ARB2A: variants seen among roughly 807,000 people sequenced by gnomAD.
ARB2A encodes ARB2 cotranscriptional regulator A.
chr5:93,890,140 T>C, the ARB2A span, among the ~76,000 whole-genome samples: 50 of 152,076 alleles, frequency 3.3e-4, no homozygotes, highest in Admixed American at 1.6e-3. Context: ...TACAGTATCA[T>C]GATGGTGCTG....
the ARB2A span, among the ~76,000 whole-genome samples, chr5:94,024,080 A>T: frequency 6.6e-6 from 1 of 152,214 alleles, no homozygotes; most frequent in Non-Finnish European, 1.5e-5. Flanking sequence ...ACTAAATCAC[A>T]TCTAGGTATG....
the ARB2A span, among the ~76,000 whole-genome samples, chr5:93,901,397 A>T: frequency 6.6e-6 from 1 of 152,170 alleles, no homozygotes; most frequent in African/African-American, 2.4e-5. Flanking sequence ...AAATCAGCAT[A>T]TGGCTGAACA....
At chr5:93,774,881 T>A in the ARB2A span, among the ~76,000 whole-genome samples, 1 of 152,192 alleles carries the variant, frequency 6.6e-6, no homozygotes, top group African/African-American at 2.4e-5. Flanking sequence ...GACCAGAAGC[T>A]CACAGGAACC....
chr5:93,635,195 T>C, the ARB2A span, among the ~76,000 whole-genome samples: 1 of 152,234 alleles, frequency 6.6e-6, no homozygotes, highest in African/African-American at 2.4e-5. Flanking sequence ...GATTCTGATA[T>C]TCTCAACACA....
At chr5:93,776,487 A>C in the ARB2A span, among the ~76,000 whole-genome samples, 3 of 152,170 alleles carry the variant, frequency 2.0e-5, no homozygotes, top group Non-Finnish European at 4.4e-5. Flanking sequence ...TATTAAGATG[A>C]CATGTAAGGG....
the ARB2A span, chr5:93,620,899 G>A: frequency 8.6e-6 from 13 of 1,519,336 alleles, no homozygotes; most frequent in Admixed American, 2.1e-5. Context: ...ACAATCTAAT[G>A]AGGGGCTGGG....
At chr5:93,868,353 T>C in the ARB2A span, among the ~76,000 whole-genome samples, 7 of 152,060 alleles carry the variant, frequency 4.6e-5, no homozygotes, top group East Asian at 9.6e-4. Flanking sequence ...GATGAGTCTA[T>C]TAGGGAAACA....
At chr5:93,785,049 C>T in the ARB2A span, among the ~76,000 whole-genome samples, 2 of 152,238 alleles carry the variant, frequency 1.3e-5, no homozygotes, top group South Asian at 4.1e-4. Flanking sequence ...TTTTGCTTTC[C>T]AGCATATTTC....
the ARB2A span, among the ~76,000 whole-genome samples, chr5:94,087,306 C>G: frequency 6.6e-6 from 1 of 152,070 alleles, no homozygotes; most frequent in Non-Finnish European, 1.5e-5. Context: ...ACTCGGGGGG[C>G]TAAGGCAGGA....
At chr5:94,017,168 G>T in the ARB2A span, among the ~76,000 whole-genome samples, 4 of 152,218 alleles carry the variant, frequency 2.6e-5, no homozygotes, top group Non-Finnish European at 5.9e-5. Context: ...GAGTCAATTT[G>T]TCTAATCTTG....
the ARB2A span, among the ~76,000 whole-genome samples, chr5:93,848,943 G>C: frequency 6.6e-6 from 1 of 152,178 alleles, no homozygotes; most frequent in Non-Finnish European, 1.5e-5. Context: ...GGGCAGAAAG[G>C]TCGCTTTTAT....
the ARB2A span, among the ~76,000 whole-genome samples, chr5:93,877,674 G>C: frequency 6.6e-6 from 1 of 152,136 alleles, no homozygotes; most frequent in East Asian, 1.9e-4. Context: ...GACAGTACCT[G>C]GTAAATTCCA....
At chr5:93,996,488 A>C in the ARB2A span, among the ~76,000 whole-genome samples, 1 of 152,114 alleles carries the variant, frequency 6.6e-6, no homozygotes, top group South Asian at 2.1e-4. Context: ...TATTCAGTGC[A>C]CTTAGCATCC....
chr5:93,789,590 A>G, the ARB2A span, among the ~76,000 whole-genome samples: 4 of 152,182 alleles, frequency 2.6e-5, no homozygotes. Context: ...TTTTATCACA[A>G]ACCTCTCCTA....
chr5:94,058,909 G>A, the ARB2A span, among the ~76,000 whole-genome samples: 4 of 152,134 alleles, frequency 2.6e-5, no homozygotes, highest in Non-Finnish European at 5.9e-5. Context: ...TGAGTTCCCT[G>A]AGATCTGCTT....
At chr5:94,003,908 A>G in the ARB2A span, among the ~76,000 whole-genome samples, 1 of 152,196 alleles carries the variant, frequency 6.6e-6, no homozygotes, top group Non-Finnish European at 1.5e-5. Context: ...AAAGTAAAAC[A>G]AAGTGAGAGA....
At chr5:93,941,921 A>G in the ARB2A span, among the ~76,000 whole-genome samples, 2 of 152,302 alleles carry the variant, frequency 1.3e-5, no homozygotes, top group Non-Finnish European at 2.9e-5. Flanking sequence ...GAACTTAAGC[A>G]TATCCTTTAT....
the ARB2A span, among the ~76,000 whole-genome samples, chr5:93,973,436 C>A: frequency 6.6e-6 from 1 of 152,062 alleles, no homozygotes; most frequent in Non-Finnish European, 1.5e-5. Context: ...GTGACCAAAT[C>A]TATGACTTAC....
At chr5:93,756,544 C>T in the ARB2A span, among the ~76,000 whole-genome samples, 1 of 152,196 alleles carries the variant, frequency 6.6e-6, no homozygotes, top group African/African-American at 2.4e-5. Flanking sequence ...GCTCACATCA[C>T]AGGACTCTGT....
Sources: gnomAD v4.1 joint callset for allele counts (sites outside exome capture counted in the v4.1 genomes callset) on GRCh38, gnomAD v4.1.1 for gene constraint, MANE v1.5 for transcripts, NCBI Gene and HGNC (gene_info 2026-07-23, HGNC 2026-07-21) for gene names.